The following RSL1D1 variants were observed in gnomAD, a reference collection of about 807,000 sequenced individuals.
The protein encoded by RSL1D1 is ribosomal L1 domain containing 1, also known as ribosomal L1 domain-containing protein 1.
A neutral mutation model predicts 44.6 loss-of-function variants in RSL1D1; 34 were observed. The ratio of observed to expected loss-of-function variants is 0.76; its 90% CI spans 0.58 to 1.02. The LOEUF (loss-of-function observed/expected upper bound fraction) is 1.02. Ranked by LOEUF, RSL1D1 falls within the 50% of genes least tolerant of loss-of-function variation. The pLI, the probability that RSL1D1 is intolerant of heterozygous loss-of-function variation, is 0.00. For missense variants in RSL1D1, 767 were observed against 568.1 expected, an observed-to-expected ratio of 1.35 and a Z score of -3.56; for synonymous variants, 271 against 207.4, an observed-to-expected ratio of 1.31 and a Z score of -2.63.
At chr16:11,846,401 A>AC (rs1001631999) in intron 5 of RSL1D1, 100 bp downstream of exon 5, 26 of 716,698 alleles carry the variant, frequency 3.6e-5, no homozygotes, top group African/African-American at 5.5e-5. Flanking sequence ...TCTCAAAAAA[A>AC]AAAAACAAAA....
rs926200789 is a variant in RSL1D1 at position 11,835,351 on chromosome 16, T to G, written c.*2436A>C. 6.6e-6 allele frequency: 1 copy of G among 151,838 alleles called. No individual in the cohort carries two copies. The highest frequency in any genetic ancestry group is 2.4e-5 in the African/African-American group (1 of 41,360). 9.4% of individuals were successfully genotyped at this position (151,838 alleles called of 1,614,324 possible). ...TGCCTCCCACCATGCCTGGCTAGTTTTTGTATTTTTAGTAGAGATGGGGTT... is the reference window on the plus strand; with the variant it reads ...TGCCTCCCACCATGCCTGGCTAGTTGTTGTATTTTTAGTAGAGATGGGGTT... On this transcript the variant is annotated 3_prime_UTR_variant, in exon 9 of 9. Coordinates refer to ENST00000571133, the MANE Select transcript of RSL1D1 (RefSeq NM_015659.3).
At chr16:11,849,047 G>C (rs998291767) in intron 2 of RSL1D1, among the ~76,000 whole-genome samples, 1 of 152,032 alleles carries the variant, frequency 6.6e-6, no homozygotes, top group Non-Finnish European at 1.5e-5. Flanking sequence ...CCAAAGTGCT[G>C]AGATTACAGG....
rs1253919764 is a variant in RSL1D1, at chr16:11,835,657, C to A, written c.*2130G>T. ...CACAGGCATGTTCCACCACACCCAG[C>A]TTATTTTTGGTAAAGATGGGGTTTT... On this transcript the variant is annotated 3_prime_UTR_variant, in exon 9 of 9. Transcript: ENST00000571133. 6.6e-6 allele frequency: 1 copy of A among 152,136 alleles called. No homozygotes were observed. Among genetic ancestry groups the A allele is most frequent in the Non-Finnish European group, 1.5e-5 (1 of 68,078 alleles). The allele number at this position is 152,136 out of a possible 1,614,324, so 9.4% of individuals were successfully genotyped here. A position where few individuals can be genotyped will look rare whatever the true frequency, so the allele number is the denominator to read the frequency against.
rs2053727100 is a variant in RSL1D1, at chr16:11,837,167, G to C, written c.*620C>G. ...TTTTTTTTTTCTTTTGTAGAGATGG[G>C]GTTTTACCAAGTTGCCCAGGCTAGT... On this transcript the variant is annotated 3_prime_UTR_variant, in exon 9 of 9. Transcript: ENST00000571133. 6.6e-6 allele frequency: 1 copy of C among 151,748 alleles called. No individual in the cohort carries two copies. Among genetic ancestry groups the C allele is most frequent in the Non-Finnish European group, 1.5e-5 (1 of 67,972 alleles). The allele number at this position is 151,748 out of a possible 1,614,324, so 9.4% of individuals were successfully genotyped here.
chr16:11,845,736 C>A (rs1294176954), intron 5 of RSL1D1, among the ~76,000 whole-genome samples: 2 of 143,230 alleles, frequency 1.4e-5, no homozygotes, highest in Non-Finnish European at 3.0e-5. Flanking sequence ...TTTTTTTTTT[C>A]ATTTAAAGAC....
chr16:11,846,624 A>T, intron 4 of RSL1D1, 22 bp from the exon 5 acceptor site: 2 of 1,606,782 alleles, frequency 1.2e-6, no homozygotes, highest in Non-Finnish European at 8.5e-7. Flanking sequence ...ACACACAGGC[A>T]TTCAGAACAC....
At chr16:11,848,868 C>G (rs1214644600) in intron 2 of RSL1D1, among the ~76,000 whole-genome samples, 1 of 151,152 alleles carries the variant, frequency 6.6e-6, no homozygotes, top group East Asian at 1.9e-4. Context: ...ACCTCTGCCT[C>G]CTGGGTTCAA....
At chr16:11,843,034 G>A (rs1221948427) in intron 5 of RSL1D1, among the ~76,000 whole-genome samples, 1 of 149,966 alleles carries the variant, frequency 6.7e-6, no homozygotes, top group Non-Finnish European at 1.5e-5. Flanking sequence ...CGATTCTCCT[G>A]CCTCAGCCTC....
At chr16:11,844,474 G>T (rs2053784572) in intron 5 of RSL1D1, among the ~76,000 whole-genome samples, 1 of 152,114 alleles carries the variant, frequency 6.6e-6, no homozygotes, top group Non-Finnish European at 1.5e-5. Flanking sequence ...TTTGACATTA[G>T]CCTTTAACCA....
intron 1 of RSL1D1, 193 bp downstream of exon 1, chr16:11,851,215 G>T (rs1457731636): frequency 1.4e-5 from 9 of 640,678 alleles, no homozygotes; most frequent in East Asian, 2.8e-5. Flanking sequence ...CTAGCGCCAG[G>T]CCGCAGGACC....
chr16:11,842,983 G>A (rs1259181729), intron 5 of RSL1D1, among the ~76,000 whole-genome samples: 9 of 147,208 alleles, frequency 6.1e-5, no homozygotes, highest in African/African-American at 1.5e-4. Flanking sequence ...GTGCAATGGC[G>A]TGATCTTGGC....
rs2053701176 is a variant in RSL1D1 at position 11,834,013 on chromosome 16, A to C, written c.*3774T>G. On this transcript the variant is annotated 3_prime_UTR_variant, in exon 9 of 9. Coordinates refer to ENST00000571133, the MANE Select transcript of RSL1D1 (RefSeq NM_015659.3). ...TGAAGAGGATGGATTCCAGAAACCC[A>C]GTGCCAACAATGAAATATCACCCTC... 6.6e-6 allele frequency: 1 copy of C among 152,192 alleles called. No homozygotes were observed. The highest frequency in any genetic ancestry group is 1.5e-5 in the Non-Finnish European group (1 of 68,030). The allele number at this position is 152,192 out of a possible 1,614,324, so 9.4% of individuals were successfully genotyped here. A position where few individuals can be genotyped will look rare whatever the true frequency, so the allele number is the denominator to read the frequency against.
Position 11,837,639 on chromosome 16 carries a change from C to T in RSL1D1, c.*148G>A, listed in dbSNP as rs908288436. ...TGCTGGGATTACAGGCGTGAGCCAC[C>T]GCCCCTGGACTACTTATGGAGGTTT... is the stretch of plus-strand genomic sequence containing the variant. On this transcript the variant is annotated 3_prime_UTR_variant, in exon 9 of 9. Coordinates refer to ENST00000571133, the MANE Select transcript of RSL1D1 (RefSeq NM_015659.3). 34 of 710,864 alleles carry T rather than the reference C, an allele frequency of 4.8e-5. No individual in the cohort carries two copies. Among genetic ancestry groups the T allele is most frequent in the African/African-American group, 1.3e-4 (7 of 55,906 alleles). The allele number at this position is 710,864 out of a possible 1,614,324, so 44.0% of individuals were successfully genotyped here.
chr16:11,839,381 C>CAAAAAAAAAAAAAAAAACAAAA (rs35893843), intron 8 of RSL1D1, among the ~76,000 whole-genome samples: 1 of 116,620 alleles, frequency 8.6e-6, no homozygotes. Flanking sequence ...AAAAGCAAAG[C>CAAAAAAAAAAAAAAAAACAAAA]AAAAAAAAAA....
At position 11,847,716 on chromosome 16, in the gene RSL1D1, C is replaced by G; in HGVS notation, c.336G>C (p.Gln112His). Residue 112 changes from glutamine to histidine, a missense_variant, in exon 3 of 9, where the codon CAG (glutamine) becomes CAC (histidine). Coordinates refer to ENST00000571133, the MANE Select transcript of RSL1D1 (RefSeq NM_015659.3). ...EPNSTPEKTEQFYRKLLNKHG... is the reference protein window; with the variant it reads ...EPNSTPEKTEHFYRKLLNKHG... ...GCTTGTTTAAAAGCTTTCTATAAAA[C>G]TGTTCTGTCTTTTCAGGAGTTGAAT... is the stretch of plus-strand genomic sequence containing the variant. 1 of 1,613,370 alleles carries G rather than the reference C, an allele frequency of 6.2e-7. No homozygotes were observed. The highest frequency in any genetic ancestry group is 8.5e-7 in the Non-Finnish European group (1 of 1,179,540).
At position 11,837,578 on chromosome 16, in the gene RSL1D1, T is replaced by C. The variant is rs1468851961; in HGVS notation, c.*209A>G. ...GTTGGCCAGGATGGTCTCGATCTCG[T>C]TGACCTTGTGATCCGCCTGCCTCGG... On this transcript the variant is annotated 3_prime_UTR_variant, in exon 9 of 9. Transcript: ENST00000571133. 9 of 508,780 alleles carry C rather than the reference T, an allele frequency of 1.8e-5. No individual in the cohort carries two copies. Among genetic ancestry groups the C allele is most frequent in the Non-Finnish European group, 3.1e-5 (9 of 286,442 alleles). 31.5% of individuals were successfully genotyped at this position (508,780 alleles called of 1,614,324 possible). A position where few individuals can be genotyped will look rare whatever the true frequency, so the allele number is the denominator to read the frequency against.
chr16:11,844,577 C>T (rs1387198009), intron 5 of RSL1D1, among the ~76,000 whole-genome samples: 1 of 152,214 alleles, frequency 6.6e-6, no homozygotes, highest in East Asian at 1.9e-4. Context: ...AAAGACAACA[C>T]CAGAGACCAC....
intron 3 of RSL1D1, 111 bp from the exon 4 acceptor site, chr16:11,846,954 T>C: frequency 1.5e-5 from 14 of 940,038 alleles, no homozygotes; most frequent in Non-Finnish European, 2.3e-5. Context: ...GAGCCATGCC[T>C]CTATACTTTA....
At chr16:11,850,246 T>G in intron 2 of RSL1D1, 33 bp downstream of exon 2, 3 of 1,549,850 alleles carry the variant, frequency 1.9e-6, no homozygotes, top group Non-Finnish European at 2.6e-6. Context: ...AACACACAGA[T>G]AAAAACAGCA....
Sources: allele counts gnomAD v4.1 joint callset (sites outside exome capture counted in the v4.1 genomes callset), GRCh38; gene constraint gnomAD v4.1.1; transcripts MANE v1.5; gene names NCBI Gene and HGNC (gene_info 2026-07-23, HGNC 2026-07-21).